The following TRAPPC9 variants were observed in gnomAD, a reference collection of about 807,000 sequenced individuals.
The protein encoded by TRAPPC9 is trafficking protein particle complex subunit 9.
TRAPPC9 carries 83 observed loss-of-function variants against 124.0 expected under a neutral mutation model. The ratio of observed to expected loss-of-function variants is 0.67; its 90% CI spans 0.56 to 0.80. The LOEUF is 0.80. Ranked by LOEUF, TRAPPC9 falls within the 30% of genes least tolerant of loss-of-function variation. The pLI, the probability that TRAPPC9 is intolerant of heterozygous loss-of-function variation, is 0.00. For missense variants in TRAPPC9, 1,302 were observed against 1,508.3 expected (o/e 0.86, Z 2.27); for synonymous variants, 638 against 617.5 (o/e 1.03, Z -0.49).
At chr8:139,901,254 A>G (rs534179618) in intron 20 of TRAPPC9, among the ~76,000 whole-genome samples, 1 of 152,348 alleles carries the variant, frequency 6.6e-6, no homozygotes, top group African/African-American at 2.4e-5. Context: ...GTGAATGACT[A>G]CAGGTGCAAG....
At chr8:140,301,738 G>C (rs896292176) in intron 10 of TRAPPC9, among the ~76,000 whole-genome samples, 1 of 152,212 alleles carries the variant, frequency 6.6e-6, no homozygotes, top group Non-Finnish European at 1.5e-5. Context: ...AGGAGCTCTG[G>C]CCAGTAGGTT....
At chr8:140,394,509 A>G (rs2069029590) in intron 7 of TRAPPC9, among the ~76,000 whole-genome samples, 1 of 152,224 alleles carries the variant, frequency 6.6e-6, no homozygotes, top group Admixed American at 6.5e-5. Context: ...GATTGTGCTC[A>G]AGGTTATGCA....
intron 18 of TRAPPC9, among the ~76,000 whole-genome samples, chr8:140,021,790 C>T (rs1839851996): frequency 6.6e-6 from 1 of 152,206 alleles, no homozygotes; most frequent in South Asian, 2.1e-4. Flanking sequence ...AAAGGCCAAT[C>T]CACTCTGCCA....
At position 140,241,620 on chromosome 8, in the gene TRAPPC9, G is replaced by A. The variant is rs1283698139; in HGVS notation, c.2431+11157C>T. 3.3e-5 allele frequency among the ~76,000 whole-genome samples: 5 copies of A among 152,088 alleles called. No individual in the cohort carries two copies. The highest frequency in any genetic ancestry group is 6.6e-5 in the Admixed American group (1 of 15,266). ...TGAGACAGGAGAATCGCTTAAGCCC[G>A]GGAGGCAGAGGTTGCAGTGAGCTGA... On this transcript the variant is annotated intron_variant, in intron 16 of 22. Transcript: ENST00000438773. This position sits in a 1 kb window ranked among gnomAD's most constrained non-coding sequence, Gnocchi z 5.0.
intron 18 of TRAPPC9, among the ~76,000 whole-genome samples, chr8:140,014,408 C>G (rs1839332041): frequency 6.6e-6 from 1 of 152,042 alleles, no homozygotes; most frequent in Non-Finnish European, 1.5e-5. Flanking sequence ...CAACTGAGAC[C>G]TATGTACTCC....
At position 140,376,513 on chromosome 8, in the gene TRAPPC9, G is replaced by A. The variant is rs189406309; in HGVS notation, c.1135-5333C>T. On this transcript the variant is annotated intron_variant, in intron 7 of 22. Coordinates refer to ENST00000438773, the MANE Select transcript of TRAPPC9 (RefSeq NM_001160372.4). ...GGAACTTGCAGTGAGCCGGGATTGC[G>A]CCACTGCACTCTAGCCTGGGCACAG... Among the ~76,000 whole-genome samples, 86 of 135,798 alleles carry A rather than the reference G, an allele frequency of 6.3e-4. 1 individual carries two copies. In the East Asian group the frequency reaches 0.016, roughly 26 times the overall value. 89.1% of individuals were successfully genotyped at this position (135,798 alleles called of 152,430 possible). A position where few individuals can be genotyped will look rare whatever the true frequency, so the allele number is the denominator to read the frequency against.
intron 21 of TRAPPC9, among the ~76,000 whole-genome samples, chr8:139,748,147 C>T (rs1221381135): frequency 2.2e-4 from 6 of 27,544 alleles, no homozygotes; most frequent in Admixed American, 4.5e-4. Flanking sequence ...GTTGGGGGGG[C>T]GTACAGGGGT....
chr8:140,331,617 A>AATCATCATCATCATCATC (rs57241018), intron 9 of TRAPPC9, among the ~76,000 whole-genome samples: 39 of 150,714 alleles, frequency 2.6e-4, no homozygotes, highest in Middle Eastern at 3.4e-3. Flanking sequence ...AACAGCAAAA[A>AATCATCATCATCATCATC]ATCATCATCA....
intron 21 of TRAPPC9, among the ~76,000 whole-genome samples, chr8:139,801,438 C>A (rs1378032611): frequency 6.6e-5 from 10 of 152,310 alleles, no homozygotes; most frequent in Admixed American, 6.5e-4. Flanking sequence ...AATCTGGGGC[C>A]CAGGGAGCCC....
intron 18 of TRAPPC9, 92 bp from the exon 19 acceptor site, chr8:139,988,928 T>C: frequency 2.4e-6 from 2 of 843,024 alleles, no homozygotes; most frequent in Non-Finnish European, 3.9e-6. Context: ...TTCCCACCAC[T>C]TAAGAAGGGC....
chr8:140,248,723 A>C (rs1326587386), intron 16 of TRAPPC9, among the ~76,000 whole-genome samples: 1 of 152,210 alleles, frequency 6.6e-6, no homozygotes, highest in African/African-American at 2.4e-5. Flanking sequence ...GATTTCAAGT[A>C]TTATAAGGAT....
At chr8:139,915,499 G>A (rs562444236) in intron 19 of TRAPPC9, among the ~76,000 whole-genome samples, 3 of 152,170 alleles carry the variant, frequency 2.0e-5, no homozygotes, top group Admixed American at 6.5e-5. Flanking sequence ...TTCCCACCTC[G>A]GCCTCCCAAA....
At chr8:140,228,866 G>T (rs1563863833) in intron 16 of TRAPPC9, among the ~76,000 whole-genome samples, 1 of 152,080 alleles carries the variant, frequency 6.6e-6, no homozygotes, top group Non-Finnish European at 1.5e-5. Context: ...ACACTTTGAG[G>T]GTAGGGGGGA....
intron 4 of TRAPPC9, among the ~76,000 whole-genome samples, chr8:140,429,011 C>A (rs1172041316): frequency 1.3e-5 from 2 of 152,116 alleles, no homozygotes; most frequent in Non-Finnish European, 2.9e-5. Flanking sequence ...TACCTCTAAA[C>A]CCCGGAAGCC....
intron 17 of TRAPPC9, among the ~76,000 whole-genome samples, chr8:140,125,240 G>C (rs2061068005): frequency 6.6e-6 from 1 of 152,166 alleles, no homozygotes; most frequent in South Asian, 2.1e-4. Flanking sequence ...ACTGGCCCAG[G>C]GGCACTCGGA....
chr8:139,979,181 T>C (rs1221686657), intron 19 of TRAPPC9, among the ~76,000 whole-genome samples: 1 of 152,100 alleles, frequency 6.6e-6, no homozygotes, highest in Admixed American at 6.5e-5. Flanking sequence ...GACCTGAAGG[T>C]TGACCACCAC....
chr8:140,173,380 C>T (rs1478317711), intron 17 of TRAPPC9, among the ~76,000 whole-genome samples: 1 of 152,050 alleles, frequency 6.6e-6, no homozygotes, highest in Admixed American at 6.6e-5. Flanking sequence ...AGGTGAAACC[C>T]CGTCTCTACT....
At chr8:139,906,445 C>A (rs1036036849) in intron 20 of TRAPPC9, among the ~76,000 whole-genome samples, 1 of 152,144 alleles carries the variant, frequency 6.6e-6, no homozygotes, top group Non-Finnish European at 1.5e-5. Context: ...GAGGAGTGCC[C>A]GGGGGTGCCC....
At chr8:140,381,539 G>A (rs546959880) in intron 7 of TRAPPC9, among the ~76,000 whole-genome samples, 2 of 150,752 alleles carry the variant, frequency 1.3e-5, no homozygotes, top group South Asian at 2.1e-4. Flanking sequence ...GTGGTGGCAT[G>A]CGCCTGTAGT....
Sources: allele counts gnomAD v4.1 joint callset (sites outside exome capture counted in the v4.1 genomes callset), GRCh38; gene constraint gnomAD v4.1.1; non-coding constraint Gnocchi (gnomAD v3.1); transcripts MANE v1.5; gene names NCBI Gene and HGNC (gene_info 2026-07-23, HGNC 2026-07-21).